RAB3GAP2: variants seen among roughly 807,000 people sequenced by gnomAD.
The protein encoded by RAB3GAP2 is RAB3 GTPase activating non-catalytic protein subunit 2.
RAB3GAP2 carries 87 observed loss-of-function variants against 185.3 expected under a neutral mutation model. The observed-to-expected ratio is 0.47, with a 90% confidence interval of 0.39 to 0.56. The LOEUF (loss-of-function observed/expected upper bound fraction) is 0.56, where lower values mean the gene tolerates loss of function less well. RAB3GAP2 is among the 20% of genes least tolerant of loss of function. The probability of loss-of-function intolerance (pLI) is 0.00; values close to 1 mark genes in which losing one functional copy is unlikely to be tolerated. For missense variants in RAB3GAP2, 1,492 were observed against 1,638.2 expected (o/e 0.91, Z 1.54); for synonymous variants, 554 against 576.1 (o/e 0.96, Z 0.55).
At chr1:220,194,990 C>T in intron 12 of RAB3GAP2, 88 bp downstream of exon 12, 1 of 1,309,098 alleles carries the variant, frequency 7.6e-7, no homozygotes, top group Non-Finnish European at 1.1e-6. Flanking sequence ...AAGACAAGAT[C>T]AGCAAATCAA....
At chr1:220,258,887 G>C (rs1471956253) in intron 1 of RAB3GAP2, among the ~76,000 whole-genome samples, 1 of 152,152 alleles carries the variant, frequency 6.6e-6, no homozygotes, top group East Asian at 1.9e-4. Flanking sequence ...CTTCAGCAAA[G>C]TCTCAGGATA....
At chr1:220,152,623 TG>T (rs1472471457) in intron 33 of RAB3GAP2, among the ~76,000 whole-genome samples, 2 of 152,204 alleles carry the variant, frequency 1.3e-5, no homozygotes, top group Admixed American at 1.3e-4. Flanking sequence ...TGCTTCTCCT[TG>T]GGGGCTCGGT....
intron 33 of RAB3GAP2, 69 bp from the exon 34 acceptor site, chr1:220,151,833 G>C (rs1483388303): frequency 1.3e-6 from 2 of 1,483,376 alleles, no homozygotes; most frequent in Non-Finnish European, 1.9e-6. Context: ...TAGGAAAGGG[G>C]TTGCCAGTGA....
chr1:220,175,409 G>A (rs1294040739), intron 21 of RAB3GAP2, among the ~76,000 whole-genome samples: 3 of 151,894 alleles, frequency 2.0e-5, no homozygotes, highest in Admixed American at 6.6e-5. Flanking sequence ...AGGTAGAGAC[G>A]GGTTTCACTA....
In RAB3GAP2 at chr1:220,231,038, T is replaced by G. The variant is rs80337786; in HGVS notation, c.180+1761A>C. 7.0e-4 allele frequency among the ~76,000 whole-genome samples: 106 copies of G among 152,350 alleles called. No homozygotes were observed. In the East Asian group the frequency reaches 0.016, roughly 23 times the overall value. On this transcript the variant is annotated intron_variant, in intron 2 of 34. Coordinates refer to ENST00000358951, the MANE Select transcript of RAB3GAP2 (RefSeq NM_012414.4). The stretch of plus-strand genomic sequence containing the variant: ...TAATTGGTCTTCCTGCTTCTACTTT[T>G]GCTCCCTACTTCAACCTATTCCATA...
chr1:220,227,661 G>T (rs1450131585), intron 2 of RAB3GAP2, among the ~76,000 whole-genome samples: 1 of 152,126 alleles, frequency 6.6e-6, no homozygotes, highest in Non-Finnish European at 1.5e-5. Flanking sequence ...CGTAACACCC[G>T]ACTAATGCAG....
chr1:220,177,875 C>T (rs1156729930), intron 21 of RAB3GAP2, among the ~76,000 whole-genome samples: 2 of 152,036 alleles, frequency 1.3e-5, no homozygotes, highest in Non-Finnish European at 2.9e-5. Context: ...CTGAGAAAGA[C>T]AAAGGAGTAG....
intron 32 of RAB3GAP2, 200 bp downstream of exon 32, chr1:220,153,768 C>G (rs1265583916): frequency 5.3e-6 from 3 of 561,238 alleles, no homozygotes; most frequent in Admixed American, 3.3e-5. Flanking sequence ...CACCCCACGA[C>G]AGGCCCTGGT....
At chr1:220,233,500 C>T (rs527644371) in intron 1 of RAB3GAP2, among the ~76,000 whole-genome samples, 101 of 152,244 alleles carry the variant, frequency 6.6e-4, no homozygotes, top group African/African-American at 2.4e-3. Context: ...GTCCAGGTGA[C>T]TGGTTTTTAC....
At chr1:220,231,715 A>C (rs1181606340) in intron 2 of RAB3GAP2, among the ~76,000 whole-genome samples, 1 of 152,202 alleles carries the variant, frequency 6.6e-6, no homozygotes, top group African/African-American at 2.4e-5. Context: ...AGAAGACATA[A>C]GGAAAAGTTT....
intron 1 of RAB3GAP2, among the ~76,000 whole-genome samples, chr1:220,237,717 A>C (rs1214721861): frequency 6.6e-6 from 1 of 152,164 alleles, no homozygotes; most frequent in Non-Finnish European, 1.5e-5. Context: ...TGCTGGTCTA[A>C]TTTAATCCTA....
chr1:220,151,811 T>G (rs371542209), intron 33 of RAB3GAP2, 47 bp from the exon 34 acceptor site: 2 of 1,540,574 alleles, frequency 1.3e-6, no homozygotes, highest in South Asian at 2.2e-5. Context: ...GTGAGCAGAT[T>G]TGTTTATTCT....
intron 1 of RAB3GAP2, among the ~76,000 whole-genome samples, chr1:220,253,311 A>G (rs960186125): frequency 7.2e-5 from 11 of 152,218 alleles, no homozygotes; most frequent in Non-Finnish European, 1.6e-4. Context: ...GCTGGCTGCC[A>G]TCTTTGCTGT....
chr1:220,168,373 T>C (rs1271047903), intron 24 of RAB3GAP2, among the ~76,000 whole-genome samples: 3 of 151,988 alleles, frequency 2.0e-5, no homozygotes, highest in Middle Eastern at 6.8e-3. Flanking sequence ...ATTACAGGTG[T>C]GAGCCACTGT....
chr1:220,268,403 C>T (rs1175616737), intron 1 of RAB3GAP2, among the ~76,000 whole-genome samples: 1 of 152,196 alleles, frequency 6.6e-6, no homozygotes, highest in Non-Finnish European at 1.5e-5. Context: ...TTCTTGAATA[C>T]AGTACTTCTT....
chr1:220,162,081 A>C (rs897866074), intron 28 of RAB3GAP2, 117 bp downstream of exon 28: 2 of 826,616 alleles, frequency 2.4e-6, no homozygotes, highest in South Asian at 3.0e-5. Flanking sequence ...AGTATGAGTA[A>C]AATCTAATTA....
intron 14 of RAB3GAP2, among the ~76,000 whole-genome samples, chr1:220,190,810 C>T (rs1221514702): frequency 1.3e-5 from 2 of 152,080 alleles, no homozygotes; most frequent in Non-Finnish European, 2.9e-5. Flanking sequence ...CCTTTTGAGC[C>T]TTCCCAGCAT....
At chr1:220,153,133 A>AC in intron 33 of RAB3GAP2, 52 bp downstream of exon 33, 1 of 1,370,112 alleles carries the variant, frequency 7.3e-7, no homozygotes, top group Non-Finnish European at 1.0e-6. Context: ...CTTTATTCCA[A>AC]CTATCAATTT....
At chr1:220,174,097 A>C (rs1359290875) in intron 21 of RAB3GAP2, among the ~76,000 whole-genome samples, 1 of 152,072 alleles carries the variant, frequency 6.6e-6, no homozygotes, top group Non-Finnish European at 1.5e-5. Context: ...AATTTAAAAA[A>C]AAGAACTAAA....
Sources: gnomAD v4.1 joint callset for allele counts (sites outside exome capture counted in the v4.1 genomes callset) on GRCh38, gnomAD v4.1.1 for gene constraint, MANE v1.5 for transcripts, NCBI Gene and HGNC (gene_info 2026-07-23, HGNC 2026-07-21) for gene names.